Variants in LIFR observed in about 807,000 individuals in gnomAD.
LIFR encodes leukemia inhibitory factor receptor.
Under a neutral mutation model 122.2 loss-of-function variants are expected in LIFR, and 84 were observed. The observed-to-expected ratio is 0.69, with a 90% CI of 0.58 to 0.82. The LOEUF (loss-of-function observed/expected upper bound fraction) is 0.82, where lower values mean the gene tolerates loss of function less well. Ranked by LOEUF, LIFR falls within the 40% of genes least tolerant of loss-of-function variation. The probability of loss-of-function intolerance (pLI) is 0.00; values close to 1 mark genes in which losing one functional copy is unlikely to be tolerated. For synonymous variants in LIFR, 422 were observed against 434.7 expected, an observed-to-expected ratio of 0.97 and a Z score of 0.36; for missense variants, 1,294 against 1,311.6, an observed-to-expected ratio of 0.99 and a Z score of 0.21.
At chr5:38,558,292 G>A (rs1440287705), upstream of LIFR, 1 of 152,070 alleles carries the variant, frequency 6.6e-6, no homozygotes, top group South Asian at 2.1e-4. Flanking sequence ...CTGTTGCCTG[G>A]GGTTGAAAAA....
At chr5:38,504,449 G>A in intron 9 of LIFR, among the ~76,000 whole-genome samples, 1 of 142,200 alleles carries the variant, frequency 7.0e-6, no homozygotes, top group Admixed American at 7.0e-5. Flanking sequence ...AGAAAGAAAG[G>A]TAATTAATAA....
chr5:38,523,367 A>T lies in LIFR; in HGVS notation c.561+52T>A, dbSNP rs899557899. 8.6e-6 allele frequency: 13 copies of T among 1,502,996 alleles called. No individual in the cohort carries two copies. The South Asian group carries it at 1.6e-4, about 18-fold the overall frequency. The allele number at this position is 1,502,996 out of a possible 1,614,324, so 93.1% of individuals were successfully genotyped here. The stretch of plus-strand genomic sequence containing the variant: ...TACCACCTTAAGGCTTCTTAAAAAA[A>T]ATTATTCAGTTTCTTTAATGTCATA... On this transcript the variant is annotated intron_variant, in intron 5 of 19. Coordinates refer to ENST00000453190, the MANE Select transcript of LIFR (RefSeq NM_001127671.2).
In LIFR at chr5:38,489,192, A is replaced by C. The variant is rs201240160; in HGVS notation, c.2221T>G (p.Leu741Val). Reference sequence around the variant, plus strand: ...ACAGGAATGTCTTCCCATTTTACTAATATCGAATCTGCAGAAGTATCCTCA... The same window carrying C: ...ACAGGAATGTCTTCCCATTTTACTACTATCGAATCTGCAGAAGTATCCTCA... ...TVEDTSADSILVKWEDIPVEE... is the reference protein window; with the variant it reads ...TVEDTSADSIVVKWEDIPVEE... The change falls in exon 16 of 20, where the codon TTA becomes GTA. Residue 741 changes from leucine to valine, a missense_variant. Leu to Val is a conservative substitution (Grantham distance 32). Coordinates refer to ENST00000453190, the MANE Select transcript of LIFR (RefSeq NM_001127671.2). The C allele has an allele frequency of 2.5e-6, 4 of 1,613,076 alleles. No homozygotes were observed. The highest frequency in any genetic ancestry group is 3.4e-6 in the Non-Finnish European group (4 of 1,179,494).
At chr5:38,567,496 G>GTATTTATTTTTTTATT (rs1749060828) in intron 1 of LIFR, among the ~76,000 whole-genome samples, 1 of 132,882 alleles carries the variant, frequency 7.5e-6, no homozygotes, top group Admixed American at 7.7e-5. Context: ...TGACCATTCT[G>GTATTTATTTTTTTATT]TATTTATTTA....
intron 1 of LIFR, among the ~76,000 whole-genome samples, chr5:38,536,475 T>C (rs1439863197): frequency 6.6e-6 from 1 of 152,206 alleles, no homozygotes; most frequent in Non-Finnish European, 1.5e-5. Flanking sequence ...TATATACAAA[T>C]ACCACACCAT....
At chr5:38,563,905 G>A (rs1748920151) in intron 1 of LIFR, among the ~76,000 whole-genome samples, 1 of 152,108 alleles carries the variant, frequency 6.6e-6, no homozygotes, top group Non-Finnish European at 1.5e-5. Context: ...CTAGTTTCAG[G>A]AGCTTCACTA....
chr5:38,589,175 T>A (rs926759912), intron 1 of LIFR, among the ~76,000 whole-genome samples: 2 of 151,956 alleles, frequency 1.3e-5, no homozygotes, highest in Admixed American at 6.6e-5. Context: ...TTTTTATTTT[T>A]TTTTTGTATT....
At chr5:38,546,411 T>TAAA (rs148363378) in intron 1 of LIFR, among the ~76,000 whole-genome samples, 4 of 151,696 alleles carry the variant, frequency 2.6e-5, no homozygotes, top group Admixed American at 2.0e-4. Context: ...ACCATATACA[T>TAAA]AAAAAAAACA....
chr5:38,593,126 C>A (rs913032998), intron 1 of LIFR, among the ~76,000 whole-genome samples: 2 of 152,126 alleles, frequency 1.3e-5, no homozygotes, highest in East Asian at 3.9e-4. Flanking sequence ...TCCCTTGAAC[C>A]CAGGAGGCGG....
rs1743683319 is a variant in LIFR at position 38,475,496 on chromosome 5, G to C, written c.*6099C>G. The C allele has an allele frequency of 5.1e-6, 1 of 194,794 alleles. No individual in the cohort carries two copies. The highest frequency in any genetic ancestry group is 1.1e-5 in the Non-Finnish European group (1 of 93,450). The allele number at this position is 194,794 out of a possible 1,614,324, so 12.1% of individuals were successfully genotyped here. A position where few individuals can be genotyped will look rare whatever the true frequency, so the allele number is the denominator to read the frequency against. On this transcript the variant is annotated 3_prime_UTR_variant, in exon 20 of 20. Transcript: ENST00000453190. The stretch of plus-strand genomic sequence containing the variant: ...TGAAAAAGGGAACAGTTTGGGATCC[G>C]CAGTTTCTCCCTATCTTCTTTCAGC...
In LIFR at chr5:38,554,254, C is replaced by T. The variant is rs538644452; in HGVS notation, c.-20+2080G>A. Among the ~76,000 whole-genome samples, 11 of 152,236 alleles carry T rather than the reference C, an allele frequency of 7.2e-5. No homozygotes were observed. In the East Asian group the frequency reaches 2.1e-3, roughly 29 times the overall value. On this transcript the variant is annotated intron_variant, in intron 1 of 19. Transcript: ENST00000453190. ...CTTTAGTTACTGACCATCATGGCTC[C>T]CACTTCACAGCAAAGATGCCAAAGA...
At position 38,585,505 on chromosome 5, in the gene LIFR, A is replaced by G. The variant is rs547910300; in HGVS notation, c.-20+9756T>C. Among the ~76,000 whole-genome samples the G allele has an allele frequency of 1.4e-3, 207 of 152,344 alleles. 1 individual carries two copies. The highest frequency in any genetic ancestry group is 7.9e-3 in the East Asian group (41 of 5,182). Reference sequence around the variant, plus strand: ...GGCATAAAAGGGCTCCCAACGTTCAATGATCTCCATGTGCTTCCCATTAGG... The same window carrying G: ...GGCATAAAAGGGCTCCCAACGTTCAGTGATCTCCATGTGCTTCCCATTAGG... On this transcript the variant is annotated intron_variant, in intron 1 of 19. Coordinates refer to the LIFR transcript ENST00000263409.
rs1356104765 is a variant in LIFR at position 38,475,341 on chromosome 5, T to G, written c.*6254A>C. 2.6e-5 allele frequency: 5 copies of G among 195,788 alleles called. No homozygotes were observed. The highest frequency in any genetic ancestry group is 5.3e-5 in the Non-Finnish European group (5 of 94,088). 12.1% of individuals were successfully genotyped at this position (195,788 alleles called of 1,614,324 possible). ...GACTGAATCACACACATGTACTTCA[T>G]CTATAGTTTTCTTCCTGTATAAGTG... On this transcript the variant is annotated 3_prime_UTR_variant, in exon 20 of 20. Transcript: ENST00000453190.
At chr5:38,561,818 A>C (rs1357122656) in intron 1 of LIFR, among the ~76,000 whole-genome samples, 1 of 152,224 alleles carries the variant, frequency 6.6e-6, no homozygotes. Flanking sequence ...CCCATAAAGC[A>C]GTCATTTTCC....
intron 1 of LIFR, among the ~76,000 whole-genome samples, chr5:38,537,704 T>G (rs1580141067): frequency 6.6e-6 from 1 of 152,256 alleles, no homozygotes; most frequent in African/African-American, 2.4e-5. Context: ...TAAATGGCAT[T>G]TCTTTTTATT....
intron 7 of LIFR, 148 bp downstream of exon 7, chr5:38,510,316 G>A (rs1025391522): frequency 2.8e-6 from 2 of 712,520 alleles, no homozygotes; most frequent in Non-Finnish European, 4.7e-6. Context: ...ATATTCTAGT[G>A]CCTTTGTATA....
At chr5:38,585,120 C>CAAAGCTATTTTTTATTCTAA (rs1749705460) in intron 1 of LIFR, among the ~76,000 whole-genome samples, 1 of 152,034 alleles carries the variant, frequency 6.6e-6, no homozygotes, top group Non-Finnish European at 1.5e-5. Context: ...TAATAGAATA[C>CAAAGCTATTTTTTATTCTAA]AAAAGCTAAA....
chr5:38,522,409 C>T (rs891312492), intron 5 of LIFR, among the ~76,000 whole-genome samples: 1 of 152,196 alleles, frequency 6.6e-6, no homozygotes, highest in Admixed American at 6.5e-5. Context: ...TGAAGATCTA[C>T]TATTCCCTAT....
At chr5:38,581,817 G>C (rs751712647) in intron 1 of LIFR, among the ~76,000 whole-genome samples, 4 of 152,150 alleles carry the variant, frequency 2.6e-5, no homozygotes, top group African/African-American at 9.7e-5. Flanking sequence ...CCTGTCACAG[G>C]GAGATGGAAC....
Sources: allele counts gnomAD v4.1 joint callset (sites outside exome capture counted in the v4.1 genomes callset), GRCh38; gene constraint gnomAD v4.1.1; transcripts MANE v1.5; gene names NCBI Gene and HGNC (gene_info 2026-07-23, HGNC 2026-07-21).